SCLY: variants seen among roughly 807,000 people sequenced by gnomAD.
SCLY encodes the protein selenocysteine lyase, also known as putative selenocysteine lyase.
SCLY carries 38 observed loss-of-function variants against 50.1 expected under a neutral mutation model. The observed-to-expected ratio is 0.76, with a 90% CI of 0.59 to 0.99. The LOEUF (loss-of-function observed/expected upper bound fraction) is 0.99. Ranked by LOEUF, SCLY falls within the 50% of genes least tolerant of loss-of-function variation. The pLI is 0.00. For missense variants in SCLY, 600 were observed against 620.0 expected, an observed-to-expected ratio of 0.97 and a Z score of 0.34; for synonymous variants, 243 against 249.4, an observed-to-expected ratio of 0.97 and a Z score of 0.24.
intron 4 of SCLY, among the ~76,000 whole-genome samples, chr2:238,077,106 A>G (rs12618952): frequency 0.54 from 81,425 of 151,714 alleles, 22,071 homozygotes; most frequent in African/African-American, 0.56. Flanking sequence ...TTAATAGTTG[A>G]TCACACTATT....
rs773151870 is a variant in SCLY, at chr2:238,083,264, T to C, written c.794T>C (p.Ile265Thr). 55 of 1,613,158 alleles carry C rather than the reference T, an allele frequency of 3.4e-5. No individual in the cohort carries two copies. The highest frequency in any genetic ancestry group is 4.0e-5 in the Non-Finnish European group (47 of 1,179,224). ...TCCTTCCAGTTTTATGGTCCCAGGA[T>C]TGGCGCACTTTATATACGAGGACTT... ...IVGHKFYGPR[I>T]GALYIRGLGE... The change falls in exon 7 of 12, where the codon ATT (isoleucine) becomes ACT (threonine). Residue 265 changes from isoleucine to threonine, a missense_variant. Ile to Thr is a moderately conservative substitution (Grantham distance 89, BLOSUM62 -1). Transcript: ENST00000254663. The surrounding 1 kb of genome is among the most constrained non-coding windows in gnomAD (Gnocchi z 4.3).
chr2:238,074,268 C>G lies in SCLY; in HGVS notation c.484+4791C>G, dbSNP rs902679878. Reference sequence around the variant, plus strand: ...CTGTAGTGAACTGAGATGGTGTCACCACACTCCAGCCTGAGCAACAGAGCA... The same window carrying G: ...CTGTAGTGAACTGAGATGGTGTCACGACACTCCAGCCTGAGCAACAGAGCA... On this transcript the variant is annotated intron_variant, in intron 4 of 11. Transcript: ENST00000254663. 6.0e-5 allele frequency among the ~76,000 whole-genome samples: 9 copies of G among 150,856 alleles called. 1 individual carries two copies. Among genetic ancestry groups the G allele is most frequent in the Non-Finnish European group, 1.3e-4 (9 of 67,780 alleles).
At chr2:238,081,480 G>A (rs533970604) in intron 4 of SCLY, 9 of 502,798 alleles carry the variant, frequency 1.8e-5, no homozygotes, top group South Asian at 8.0e-5. Context: ...CAGCTTCCAC[G>A]ACACAGATTC....
chr2:238,085,241 C>T (rs1247127986), intron 7 of SCLY, among the ~76,000 whole-genome samples: 1 of 152,038 alleles, frequency 6.6e-6, no homozygotes, highest in African/African-American at 2.4e-5. Flanking sequence ...AACAAAGTGT[C>T]AGCAAAGAGA....
chr2:238,082,095 G>A lies in SCLY; in HGVS notation c.663G>A (p.Val221=). The A allele has an allele frequency of 3.1e-6, 5 of 1,613,776 alleles. No homozygotes were observed. The highest frequency in any genetic ancestry group is 4.2e-6 in the Non-Finnish European group (5 of 1,180,006). Residue 221 remains valine, a synonymous_variant, in exon 6 of 12, where the codon GTG becomes GTA. Coordinates refer to ENST00000254663, the MANE Select transcript of SCLY (RefSeq NM_016510.7). ...QRIKALNQER[V]AAGLPPILVH... ...TTAAAGCCCTGAACCAGGAACGGGT[G>A]GCAGCTGGGCTACCTCCCATCCTCG...
At chr2:238,061,502 T>C (rs1467569983) in intron 1 of SCLY, 2 of 363,172 alleles carry the variant, frequency 5.5e-6, no homozygotes, top group Middle Eastern at 7.6e-4. Flanking sequence ...GGGAAGAACT[T>C]TGGGGTTCAT....
Position 238,083,284 on chromosome 2 carries a change from G to A in SCLY, c.814G>A (p.Gly272Arg), listed in dbSNP as rs183244189. 3.1e-6 allele frequency: 5 copies of A among 1,613,950 alleles called. No individual in the cohort carries two copies. Among genetic ancestry groups the A allele is most frequent in the East Asian group, 4.5e-5 (2 of 44,888 alleles). ...CAGGATTGGCGCACTTTATATACGA[G>A]GACTTGGTGAATTTACCCCTCTCTA... ...GPRIGALYIRGLGEFTPLYPM... is the reference protein window; with the variant it reads ...GPRIGALYIRRLGEFTPLYPM... The change falls in exon 7 of 12, where the codon GGA (glycine) becomes AGA (arginine). Residue 272 changes from glycine to arginine, a missense_variant. Transcript: ENST00000254663. The surrounding 1 kb of genome is among the most constrained non-coding windows in gnomAD (Gnocchi z 4.3).
intron 8 of SCLY, 64 bp from the exon 9 acceptor site, chr2:238,093,797 A>G: frequency 6.8e-7 from 1 of 1,469,706 alleles, no homozygotes; most frequent in Non-Finnish European, 9.4e-7. Context: ...TACCGTTGAA[A>G]GCTTTTTGGC....
rs1559254759 is a variant in SCLY at position 238,098,633 on chromosome 2, G to GAACCGCCCACATA, written c.*278_*279insAACCGCCCACATA. ...ACCGCCCACATGGGACCGCCCACAT[G>GAACCGCCCACATA]GGACCGCCCACATGGGACCGCCCAC... On this transcript the variant is annotated 3_prime_UTR_variant, in exon 12 of 12. Transcript: ENST00000254663. 2.6e-3 allele frequency: 590 copies of GAACCGCCCACATA among 230,670 alleles called. 19 individuals are homozygous for GAACCGCCCACATA. Among genetic ancestry groups the GAACCGCCCACATA allele is most frequent in the Non-Finnish European group, 3.9e-3 (492 of 125,782 alleles). 14.3% of individuals were successfully genotyped at this position (230,670 alleles called of 1,614,324 possible).
Position 238,061,075 on chromosome 2 carries a change from G to C in SCLY, c.21G>C (p.Pro7=), listed in dbSNP as rs564810240. 4.3e-6 allele frequency: 6 copies of C among 1,394,020 alleles called. No homozygotes were observed. The Admixed American group carries it at 1.1e-4, about 25-fold the overall frequency. 86.4% of individuals were successfully genotyped at this position (1,394,020 alleles called of 1,614,324 possible). Residue 7 remains proline (P), a synonymous_variant, in exon 1 of 12, where the codon CCG becomes CCC. Transcript: ENST00000254663. The part of the protein sequence containing the change: MEAAVA[P]GRDAPAPAAS... Reference sequence around the variant, plus strand: ...CGGGGATGGAGGCGGCCGTGGCGCCGGGGAGGGATGCGCCGGCACCCGCGG... The same window carrying C: ...CGGGGATGGAGGCGGCCGTGGCGCCCGGGAGGGATGCGCCGGCACCCGCGG...
At chr2:238,061,884 G>A (rs1253824366) in intron 1 of SCLY, among the ~76,000 whole-genome samples, 1 of 152,184 alleles carries the variant, frequency 6.6e-6, no homozygotes, top group Admixed American at 6.5e-5. Flanking sequence ...TTTCTGGTTT[G>A]TGTGTCTTCT....
chr2:238,085,134 C>T (rs1253642830), intron 7 of SCLY, among the ~76,000 whole-genome samples: 2 of 152,068 alleles, frequency 1.3e-5, no homozygotes, highest in Non-Finnish European at 2.9e-5. Context: ...TACGCCTGCA[C>T]TAAGATGATG....
At chr2:238,094,648 G>T in intron 10 of SCLY, 126 bp downstream of exon 10, 1 of 811,676 alleles carries the variant, frequency 1.2e-6, no homozygotes, top group Non-Finnish European at 2.0e-6. Flanking sequence ...CTGTCAGAGG[G>T]CCTTGCTGGG....
At chr2:238,092,566 CG>C (rs2065375782) in intron 8 of SCLY, 2 of 152,346 alleles carry the variant, frequency 1.3e-5, no homozygotes, top group African/African-American at 4.8e-5. Flanking sequence ...ATGGGAATCA[CG>C]GTAACAGCTT....
chr2:238,084,902 A>AAAAAG, intron 7 of SCLY, among the ~76,000 whole-genome samples: 2 of 135,962 alleles, frequency 1.5e-5, no homozygotes, highest in Middle Eastern at 7.0e-3. Flanking sequence ...TCAAAAAAAA[A>AAAAAG]AAAAAAAAAG....
intron 2 of SCLY, 177 bp downstream of exon 2, chr2:238,064,646 G>C: frequency 2.1e-6 from 1 of 483,650 alleles, no homozygotes. Flanking sequence ...TGTAAGCTGA[G>C]CCTTGTCGAT....
At chr2:238,084,795 A>G (rs1311234882) in intron 7 of SCLY, among the ~76,000 whole-genome samples, 2 of 143,438 alleles carry the variant, frequency 1.4e-5, no homozygotes, top group African/African-American at 2.6e-5. Context: ...TCGGGAGGCT[A>G]AGGCAGGAGA....
chr2:238,070,098 G>A (rs1202654593), intron 4 of SCLY, among the ~76,000 whole-genome samples: 1 of 152,246 alleles, frequency 6.6e-6, no homozygotes, highest in East Asian at 1.9e-4. Context: ...GAGGCTCGCT[G>A]CAGCAGCAGT....
rs1308470021 is a variant in SCLY, at chr2:238,096,687, C to A, written c.1109-114C>A. ...GCCAGAATGGCCAGTGCTGGAATTCCACCAGGTGGCACAGAGGGAGGGAAG... is the reference window on the plus strand; with the variant it reads ...GCCAGAATGGCCAGTGCTGGAATTCAACCAGGTGGCACAGAGGGAGGGAAG... On this transcript the variant is annotated intron_variant, in intron 10 of 11. Transcript: ENST00000254663. 3.5e-6 allele frequency: 4 copies of A among 1,158,706 alleles called. No homozygotes were observed. In the African/African-American group the frequency reaches 4.6e-5, roughly 13 times the overall value. The allele number at this position is 1,158,706 out of a possible 1,614,324, so 71.8% of individuals were successfully genotyped here. A position where few individuals can be genotyped will look rare whatever the true frequency, so the allele number is the denominator to read the frequency against.
Sources: allele counts gnomAD v4.1 joint callset (sites outside exome capture counted in the v4.1 genomes callset), GRCh38; gene constraint gnomAD v4.1.1; non-coding constraint Gnocchi (gnomAD v3.1); transcripts MANE v1.5; gene names NCBI Gene and HGNC (gene_info 2026-07-23, HGNC 2026-07-21).